COL6A5: variants seen among roughly 807,000 people sequenced by gnomAD.
COL6A5 encodes collagen type VI alpha 5 chain.
COL6A5 carries 48 observed loss-of-function variants against 65.6 expected under a neutral mutation model. That is an observed-to-expected ratio of 0.73 (90% CI 0.58 to 0.93). The LOEUF is 0.93. Among genes scored for constraint, COL6A5 ranks in the 40% least tolerant of loss-of-function variants. The probability of loss-of-function intolerance (pLI) is 0.00; values close to 1 mark genes in which losing one functional copy is unlikely to be tolerated. For missense variants in COL6A5, 914 were observed against 928.3 expected (o/e 0.98, Z 0.20); for synonymous variants, 291 against 322.8 (o/e 0.90, Z 1.05).
rs540140356 is a variant in COL6A5, at chr3:130,395,153, T to C, written c.3256T>C (p.Phe1086Leu). 2.8e-4 allele frequency: 431 copies of C among 1,551,692 alleles called. 8 individuals are homozygous for C. The South Asian group carries it at 4.8e-3, about 17-fold the overall frequency. The change falls in exon 8 of 42, where the codon TTT becomes CTT. Residue 1086 changes from phenylalanine to leucine, a missense_variant and NMD_transcript_variant. Physicochemically the swap from Phe to Leu is conservative, Grantham distance 22 (BLOSUM62 0). Coordinates refer to the COL6A5 transcript ENST00000312481. ...GAGCGGTGGATTTCCAAGAATTGAC[T>C]TTGCCCTTAAAAAAGTGAGCAATAT...
chr3:130,480,604 T>C, intron 7 of COL6A5, among the ~76,000 whole-genome samples: 1 of 152,158 alleles, frequency 6.6e-6, no homozygotes. Context: ...TAAGGTTTTA[T>C]TTTTAAATGT....
chr3:130,472,983 G>A (rs1426826751), intron 7 of COL6A5, among the ~76,000 whole-genome samples: 2 of 149,428 alleles, frequency 1.3e-5, no homozygotes, highest in Non-Finnish European at 3.0e-5. Flanking sequence ...AACAAAATCA[G>A]CAAAATGATG....
intron 3 of COL6A5, among the ~76,000 whole-genome samples, chr3:130,441,556 T>G (rs1308779801): frequency 6.6e-6 from 1 of 150,662 alleles, no homozygotes; most frequent in Non-Finnish European, 1.5e-5. Flanking sequence ...TTGAACAGGA[T>G]GTATCAGTCT....
At chr3:130,473,232 A>G (rs1263897700) in intron 7 of COL6A5, among the ~76,000 whole-genome samples, 1 of 152,040 alleles carries the variant, frequency 6.6e-6, no homozygotes, top group African/African-American at 2.4e-5. Flanking sequence ...GAGGGCTCTG[A>G]AAAGTAAGCA....
chr3:130,480,201 A>C (rs1710200617), intron 7 of COL6A5, among the ~76,000 whole-genome samples: 1 of 152,032 alleles, frequency 6.6e-6, no homozygotes, highest in Non-Finnish European at 1.5e-5. Flanking sequence ...AAAACTATCC[A>C]TTTTATTAAT....
chr3:130,410,582 A>G, intron 20 of COL6A5, 58 bp downstream of exon 20: 1 of 1,402,568 alleles, frequency 7.1e-7, no homozygotes, highest in Non-Finnish European at 9.9e-7. Context: ...TGACAGAGGC[A>G]TTCAGAATAT....
At chr3:130,387,867 G>T (rs1037093118) in intron 5 of COL6A5, among the ~76,000 whole-genome samples, 1 of 151,212 alleles carries the variant, frequency 6.6e-6, no homozygotes, top group Admixed American at 6.6e-5. Flanking sequence ...TATAGAAATT[G>T]GTTTTATATG....
At chr3:130,388,845 G>C (rs1403349461) in exon 6 of COL6A5, 1 of 1,551,214 alleles carries the variant, frequency 6.4e-7, no homozygotes, top group African/African-American at 1.4e-5. Context: ...TAACTGGAAA[G>C]GCACTAAATT....
chr3:130,436,411 A>G (rs901726339), intron 1 of COL6A5, among the ~76,000 whole-genome samples: 15 of 151,594 alleles, frequency 9.9e-5, no homozygotes, highest in African/African-American at 2.4e-5. Flanking sequence ...ATTTTCAGCT[A>G]CTCCTTCATT....
chr3:130,353,087 T>C (rs537578816), intron 1 of COL6A5, among the ~76,000 whole-genome samples: 4 of 152,330 alleles, frequency 2.6e-5, no homozygotes, highest in Non-Finnish European at 4.4e-5. Flanking sequence ...AATGTTAAGA[T>C]AGCTGACTGC....
exon 17 of COL6A5, chr3:130,406,301 A>G (rs1306623077): frequency 6.5e-7 from 1 of 1,550,250 alleles, no homozygotes; most frequent in African/African-American, 1.4e-5. Flanking sequence ...AAAAGGAGAA[A>G]AAGGTGATCC....
intron 4 of COL6A5, among the ~76,000 whole-genome samples, chr3:130,447,511 A>G (rs1709336462): frequency 1.3e-5 from 2 of 152,156 alleles, no homozygotes; most frequent in African/African-American, 4.8e-5. Context: ...AAAAGAGACC[A>G]AACAGTCGAC....
At chr3:130,371,292 T>G (rs1051619602) in intron 1 of COL6A5, among the ~76,000 whole-genome samples, 2 of 151,826 alleles carry the variant, frequency 1.3e-5, no homozygotes. Flanking sequence ...TCCAGATGCC[T>G]TTTCTTTTTT....
chr3:130,439,398 CAAAGAGCT>C, intron 1 of COL6A5, 116 bp from the exon 34 acceptor site: 1 of 593,234 alleles, frequency 1.7e-6, no homozygotes. Flanking sequence ...CTGAATGGAG[CAAAGAGCT>C]ATAATGCAAG....
chr3:130,410,002 T>C lies in COL6A5; in HGVS notation c.4543-7T>C. 6.5e-7 allele frequency: 1 copy of C among 1,538,674 alleles called. No homozygotes were observed. Among genetic ancestry groups the C allele is most frequent in the Non-Finnish European group, 8.8e-7 (1 of 1,136,880 alleles). ...ATTCTAAACTACTTTTAAAAATCTT[T>C]CTCTAGGGTAATCCAGGACAAAACA... On this transcript the variant is annotated splice_region_variant and splice_polypyrimidine_tract_variant and intron_variant and NMD_transcript_variant, in intron 18 of 41. Coordinates refer to the COL6A5 transcript ENST00000312481.
chr3:130,474,952 A>AGCTATGAT (rs1710051489), intron 7 of COL6A5, among the ~76,000 whole-genome samples: 1 of 133,846 alleles, frequency 7.5e-6, no homozygotes, highest in African/African-American at 2.8e-5. Flanking sequence ...GGCTGTAGTG[A>AGCTATGAT]GCTATGATCA....
chr3:130,452,872 G>T (rs1270094979), intron 4 of COL6A5, among the ~76,000 whole-genome samples: 3 of 152,100 alleles, frequency 2.0e-5, no homozygotes, highest in Non-Finnish European at 4.4e-5. Context: ...CCACCCTCAG[G>T]GGCACATTCT....
chr3:130,440,105 C>T (rs1042136626), intron 2 of COL6A5, 61 bp from the exon 35 acceptor site: 117 of 1,359,832 alleles, frequency 8.6e-5, no homozygotes, highest in Non-Finnish European at 1.1e-4. Context: ...TTGAAGATCT[C>T]AAACAAGTGT....
chr3:130,392,212 A>G (rs1003784960), intron 7 of COL6A5, among the ~76,000 whole-genome samples: 3 of 152,198 alleles, frequency 2.0e-5, no homozygotes, highest in African/African-American at 7.2e-5. Context: ...AAATGAGATC[A>G]TAGGCATTCT....
Sources: gnomAD v4.1 joint callset for allele counts (sites outside exome capture counted in the v4.1 genomes callset) on GRCh38, gnomAD v4.1.1 for gene constraint, MANE v1.5 for transcripts, NCBI Gene and HGNC (gene_info 2026-07-23, HGNC 2026-07-21) for gene names.